CRISP2: variants seen among roughly 807,000 people sequenced by gnomAD.
CRISP2 encodes cysteine-rich secretory protein 2.
A neutral mutation model predicts 31.7 loss-of-function variants in CRISP2; 29 were observed. The ratio of observed to expected loss-of-function variants is 0.92; its 90% confidence interval spans 0.68 to 1.25. The LOEUF (loss-of-function observed/expected upper bound fraction) is 1.25, where lower values mean the gene tolerates loss of function less well. CRISP2 is among the 50% of genes most tolerant of loss of function. CRISP2 has a pLI of 0.00. For missense variants in CRISP2, 318 were observed against 286.5 expected (o/e 1.11, Z -0.79); for synonymous variants, 111 against 101.4 (o/e 1.09, Z -0.57).
Position 49,708,995 on chromosome 6 carries a change from T to C in CRISP2, c.66+136A>G. On this transcript the variant is annotated intron_variant, in intron 4 of 9. Coordinates refer to ENST00000339139, the MANE Select transcript of CRISP2 (RefSeq NM_003296.4). ...TTGGCCTTTCATCTCAATAATTGTGTTAAGTGCTCTGAGAACTCTGAACCA... is the reference window on the plus strand; with the variant it reads ...TTGGCCTTTCATCTCAATAATTGTGCTAAGTGCTCTGAGAACTCTGAACCA... 7.0e-6 allele frequency: 5 copies of C among 711,708 alleles called. No individual in the cohort carries two copies. In the South Asian group the frequency reaches 8.7e-5, roughly 12 times the overall value. The allele number at this position is 711,708 out of a possible 1,614,324, so 44.1% of individuals were successfully genotyped here. A position where few individuals can be genotyped will look rare whatever the true frequency, so the allele number is the denominator to read the frequency against.
At chr6:49,705,074 A>G (rs766016872) in intron 4 of CRISP2, among the ~76,000 whole-genome samples, 88 of 152,244 alleles carry the variant, frequency 5.8e-4, no homozygotes, top group Non-Finnish European at 1.1e-3. Flanking sequence ...AGAGCTCCCA[A>G]GAGTTTATGT....
the CRISP2 span, among the ~76,000 whole-genome samples, chr6:49,687,006 G>A: frequency 6.6e-6 from 1 of 151,288 alleles, no homozygotes; most frequent in Admixed American, 6.6e-5. Context: ...TGAACAATGA[G>A]AACACATGGA....
the CRISP2 span, among the ~76,000 whole-genome samples, chr6:49,683,753 T>C: frequency 7.7e-6 from 1 of 130,006 alleles, no homozygotes; most frequent in South Asian, 2.6e-4. Flanking sequence ...CACTATGTAA[T>C]TTATAAAGAC....
At chr6:49,694,744 T>TA (rs968079127) in intron 9 of CRISP2, among the ~76,000 whole-genome samples, 1 of 150,976 alleles carries the variant, frequency 6.6e-6, no homozygotes, top group African/African-American at 2.4e-5. Flanking sequence ...TTTTTTCTTT[T>TA]TTTTTTTTTT....
chr6:49,704,272 A>C (rs1410948489), intron 4 of CRISP2, among the ~76,000 whole-genome samples: 2 of 151,582 alleles, frequency 1.3e-5, no homozygotes, highest in Admixed American at 6.6e-5. Flanking sequence ...TTACTTTTTA[A>C]ATTTTTTTGA....
chr6:49,709,356 G>T, intron 3 of CRISP2, 151 bp from the exon 4 acceptor site: 1 of 228,850 alleles, frequency 4.4e-6, no homozygotes, highest in Non-Finnish European at 7.2e-6. Context: ...TTGCCCTATG[G>T]TACTAGTAGA....
rs1764138592 is a variant in CRISP2 at position 49,692,792 on chromosome 6, C to A, written c.713G>T (p.Cys238Phe). The stretch of plus-strand genomic sequence containing the variant: ...GGTAAATCAGTAAATTTTGTTCTCA[C>A]ATAGGCAAGTAGCCTTGCACTTTTC... ...LKEKCKATCL[C>F]ENKIY Residue 238 changes from cysteine to phenylalanine, a missense_variant, in exon 10 of 10, where the codon TGT becomes TTT. Coordinates refer to ENST00000339139, the MANE Select transcript of CRISP2 (RefSeq NM_003296.4). The A allele has an allele frequency of 2.5e-6, 4 of 1,613,426 alleles. No individual in the cohort carries two copies. The highest frequency in any genetic ancestry group is 3.4e-6 in the Non-Finnish European group (4 of 1,179,480).
chr6:49,687,823 G>A (rs1299868339), downstream of CRISP2, among the ~76,000 whole-genome samples: 1 of 152,176 alleles, frequency 6.6e-6, no homozygotes, highest in Admixed American at 6.5e-5. Context: ...AATGAACCTT[G>A]CTTCAGTTCC....
At chr6:49,690,410 C>T (rs1015337660), downstream of CRISP2, among the ~76,000 whole-genome samples, 8 of 151,968 alleles carry the variant, frequency 5.3e-5, no homozygotes, top group South Asian at 1.7e-3. Flanking sequence ...AAATTAAATA[C>T]GATTCTGACC....
At chr6:49,698,216 A>T in intron 7 of CRISP2, 146 bp downstream of exon 7, 1 of 926,888 alleles carries the variant, frequency 1.1e-6, no homozygotes, top group South Asian at 1.7e-5. Context: ...GACAAAAATG[A>T]CAGCTCTACA....
At chr6:49,708,721 T>C (rs1373255334) in intron 4 of CRISP2, among the ~76,000 whole-genome samples, 1 of 152,352 alleles carries the variant, frequency 6.6e-6, no homozygotes, top group East Asian at 1.9e-4. Flanking sequence ...TAGCTTGTGA[T>C]AATTTGTTGC....
At chr6:49,702,221 G>A (rs562156702) in intron 4 of CRISP2, among the ~76,000 whole-genome samples, 7 of 130,276 alleles carry the variant, frequency 5.4e-5, no homozygotes, top group African/African-American at 2.0e-4. Flanking sequence ...ATGGGCACTC[G>A]GGCTGGTTCT....
At chr6:49,701,498 GTGTATATATATA>G (rs1371688945) in intron 4 of CRISP2, among the ~76,000 whole-genome samples, 1 of 62,052 alleles carries the variant, frequency 1.6e-5, no homozygotes, top group Non-Finnish European at 3.1e-5. Flanking sequence ...GTGTGTGTGT[GTGTATATATATA>G]TATATATATA....
At chr6:49,683,159 AAAATAAATAAATAAAT>A in the CRISP2 span, among the ~76,000 whole-genome samples, 5 of 141,582 alleles carry the variant, frequency 3.5e-5, no homozygotes, top group African/African-American at 7.8e-5. Context: ...ACTCCATCTC[AAAATAAATAAATAAAT>A]AAATAAATAA....
At chr6:49,707,754 G>A (rs1767323736) in intron 4 of CRISP2, among the ~76,000 whole-genome samples, 1 of 152,182 alleles carries the variant, frequency 6.6e-6, no homozygotes, top group African/African-American at 2.4e-5. Flanking sequence ...TGTGCACAGA[G>A]TTAATGGAAG....
intron 9 of CRISP2, among the ~76,000 whole-genome samples, chr6:49,695,480 T>C (rs1764581194): frequency 6.6e-6 from 1 of 152,218 alleles, no homozygotes; most frequent in South Asian, 2.1e-4. Flanking sequence ...TTTAGATTTA[T>C]ACATTTTGAT....
At chr6:49,707,105 T>C (rs943551892) in intron 4 of CRISP2, among the ~76,000 whole-genome samples, 1 of 152,164 alleles carries the variant, frequency 6.6e-6, no homozygotes, top group African/African-American at 2.4e-5. Context: ...TAGATAAAAA[T>C]TGTACTGAAA....
At chr6:49,701,675 T>TATGTATACATTATATA in intron 4 of CRISP2, among the ~76,000 whole-genome samples, 1 of 125,496 alleles carries the variant, frequency 8.0e-6, no homozygotes, top group African/African-American at 3.1e-5. Context: ...ATACATTATA[T>TATGTATACATTATATA]ATGTATACAT....
chr6:49,682,414 G>A, the CRISP2 span, among the ~76,000 whole-genome samples: 1 of 151,780 alleles, frequency 6.6e-6, no homozygotes, highest in Non-Finnish European at 1.5e-5. Context: ...ACATACTCTA[G>A]TTATCTATTT....
Sources: allele counts gnomAD v4.1 joint callset (sites outside exome capture counted in the v4.1 genomes callset), GRCh38; gene constraint gnomAD v4.1.1; transcripts MANE v1.5; gene names NCBI Gene and HGNC (gene_info 2026-07-23, HGNC 2026-07-21).